PPP3CA: variants seen among roughly 807,000 people sequenced by gnomAD.
PPP3CA encodes CAM-PRP catalytic subunit.
Under a neutral mutation model 66.5 loss-of-function variants are expected in PPP3CA, and 14 were observed. The ratio of observed to expected loss-of-function variants is 0.21; its 90% CI spans 0.14 to 0.33. The LOEUF (loss-of-function observed/expected upper bound fraction) is 0.33. Among genes scored for constraint, PPP3CA ranks in the 10% least tolerant of loss-of-function variants. The pLI, the probability that PPP3CA is intolerant of heterozygous loss-of-function variation, is 1.00. For missense variants in PPP3CA, 317 were observed against 639.5 expected (o/e 0.50, Z 5.44); for synonymous variants, 232 against 226.2 (o/e 1.03, Z -0.23).
intron 1 of PPP3CA, among the ~76,000 whole-genome samples, chr4:101,295,410 A>G (rs1728172788): frequency 6.6e-6 from 1 of 152,084 alleles, no homozygotes; most frequent in South Asian, 2.1e-4. Context: ...CAAAACGGTC[A>G]TCTATTTTCT....
At chr4:101,074,932 C>T (rs1729117510) in intron 8 of PPP3CA, among the ~76,000 whole-genome samples, 1 of 152,188 alleles carries the variant, frequency 6.6e-6, no homozygotes, top group African/African-American at 2.4e-5. Context: ...GTTTAATGGA[C>T]TCACAGCTCC....
chr4:101,272,381 C>A (rs1219390881), intron 1 of PPP3CA, among the ~76,000 whole-genome samples: 1 of 151,974 alleles, frequency 6.6e-6, no homozygotes, highest in Non-Finnish European at 1.5e-5. Flanking sequence ...TTCTGTTAAC[C>A]CCCAAAGCCT....
intron 1 of PPP3CA, among the ~76,000 whole-genome samples, chr4:101,273,463 A>G (rs1229389170): frequency 6.6e-6 from 1 of 152,092 alleles, no homozygotes; most frequent in Non-Finnish European, 1.5e-5. Flanking sequence ...AGTAGCTGGG[A>G]CTACAAGTGC....
chr4:101,066,535 C>T (rs1728688015), intron 8 of PPP3CA, among the ~76,000 whole-genome samples: 1 of 152,032 alleles, frequency 6.6e-6, no homozygotes, highest in Non-Finnish European at 1.5e-5. Context: ...CTCAAAAAAT[C>T]CTAAAATTAA....
chr4:101,135,030 G>T (rs1722571227), intron 2 of PPP3CA, among the ~76,000 whole-genome samples: 1 of 152,002 alleles, frequency 6.6e-6, no homozygotes, highest in Non-Finnish European at 1.5e-5. Context: ...GAGAAAATAT[G>T]GGCACAAGGA....
At chr4:101,031,745 T>C (rs772443010) in intron 12 of PPP3CA, among the ~76,000 whole-genome samples, 1 of 152,236 alleles carries the variant, frequency 6.6e-6, no homozygotes, top group Non-Finnish European at 1.5e-5. Context: ...AATGTGGTTC[T>C]ATTCAGTCTC....
intron 1 of PPP3CA, among the ~76,000 whole-genome samples, chr4:101,225,564 T>C (rs1428652734): frequency 6.6e-6 from 1 of 151,864 alleles, no homozygotes; most frequent in East Asian, 1.9e-4. Flanking sequence ...AAATAATTTA[T>C]TGGTTCCAGA....
chr4:101,171,069 G>T, intron 2 of PPP3CA: 1 of 364,072 alleles, frequency 2.7e-6, no homozygotes, highest in Non-Finnish European at 5.4e-6. Flanking sequence ...TTTCCAAGTA[G>T]CTATCAATAC....
chr4:101,044,139 T>G (rs1727659255), intron 10 of PPP3CA, among the ~76,000 whole-genome samples: 1 of 152,152 alleles, frequency 6.6e-6, no homozygotes, highest in Non-Finnish European at 1.5e-5. Context: ...TGTAATTCAG[T>G]GTAAAGGAGC....
chr4:101,298,536 T>C (rs1728267103), intron 1 of PPP3CA, among the ~76,000 whole-genome samples: 1 of 152,060 alleles, frequency 6.6e-6, no homozygotes, highest in Admixed American at 6.6e-5. Context: ...CTCAGCCTAC[T>C]CAATGTAAAG....
At chr4:101,184,787 T>C (rs1724356330) in intron 2 of PPP3CA, among the ~76,000 whole-genome samples, 1 of 152,082 alleles carries the variant, frequency 6.6e-6, no homozygotes, top group Non-Finnish European at 1.5e-5. Context: ...TTGTTAGGCA[T>C]GTAGTAAAGG....
At chr4:101,273,593 G>A (rs1727400017) in intron 1 of PPP3CA, among the ~76,000 whole-genome samples, 1 of 152,174 alleles carries the variant, frequency 6.6e-6, no homozygotes, top group Non-Finnish European at 1.5e-5. Context: ...CCAAAGTGCT[G>A]GGATTAGAGG....
At chr4:101,231,492 T>C (rs866837701) in intron 1 of PPP3CA, among the ~76,000 whole-genome samples, 8 of 151,774 alleles carry the variant, frequency 5.3e-5, no homozygotes, top group South Asian at 2.1e-4. Context: ...ATTTGACTTA[T>C]TGATTTGACA....
chr4:101,323,206 T>C (rs1729096020), intron 1 of PPP3CA, among the ~76,000 whole-genome samples: 1 of 152,140 alleles, frequency 6.6e-6, no homozygotes, highest in South Asian at 2.1e-4. Context: ...CCTGCCCCAT[T>C]TCCTCCATGC....
In PPP3CA at chr4:101,050,671, T is replaced by C. The variant is rs1337831790; in HGVS notation, c.1157-10105A>G. On this transcript the variant is annotated intron_variant, in intron 10 of 13. Coordinates refer to ENST00000394854, the MANE Select transcript of PPP3CA (RefSeq NM_000944.5). ...GAGGTGATTCAGAACAAGGATTCATTACAGTACCAGCTGACTGACCTACTT... is the reference window on the plus strand; with the variant it reads ...GAGGTGATTCAGAACAAGGATTCATCACAGTACCAGCTGACTGACCTACTT... Among the ~76,000 whole-genome samples, 6 of 152,316 alleles carry C rather than the reference T, an allele frequency of 3.9e-5. No homozygotes were observed. The East Asian group carries it at 9.6e-4, about 24-fold the overall frequency.
At chr4:101,160,601 A>C (rs756814524) in intron 2 of PPP3CA, among the ~76,000 whole-genome samples, 2 of 152,150 alleles carry the variant, frequency 1.3e-5, no homozygotes, top group African/African-American at 2.4e-5. Flanking sequence ...TATGAAGTCA[A>C]GGTGTTACTG....
At chr4:101,172,506 GAGTT>G (rs3077979) in intron 2 of PPP3CA, among the ~76,000 whole-genome samples, 11,545 of 152,058 alleles carry the variant, frequency 0.076, 606 homozygotes, top group East Asian at 0.19. Flanking sequence ...GTGACTAACA[GAGTT>G]AGTCACAGTT....
chr4:101,198,188 G>T (rs1724860336), intron 1 of PPP3CA, among the ~76,000 whole-genome samples: 1 of 152,068 alleles, frequency 6.6e-6, no homozygotes, highest in Non-Finnish European at 1.5e-5. Context: ...GGCATTTGGG[G>T]GTTATTCTAT....
intron 1 of PPP3CA, among the ~76,000 whole-genome samples, chr4:101,223,795 C>T (rs147131554): frequency 2.3e-4 from 35 of 151,878 alleles, no homozygotes; most frequent in African/African-American, 8.0e-4. Context: ...CTGGAAACCA[C>T]ATATAATTTT....
Sources: allele counts gnomAD v4.1 joint callset (sites outside exome capture counted in the v4.1 genomes callset), GRCh38; gene constraint gnomAD v4.1.1; transcripts MANE v1.5; gene names NCBI Gene and HGNC (gene_info 2026-07-23, HGNC 2026-07-21).